PDE3B: variants seen among roughly 807,000 people sequenced by gnomAD.
PDE3B encodes the protein phosphodiesterase 3B, also known as cGMP-inhibited 3',5'-cyclic phosphodiesterase 3B.
Under a neutral mutation model 116.8 loss-of-function variants are expected in PDE3B, and 66 were observed. The ratio of observed to expected loss-of-function variants is 0.56; its 90% confidence interval spans 0.46 to 0.69. The LOEUF is 0.69. PDE3B is among the 30% of genes least tolerant of loss of function. PDE3B has a pLI of 0.00. For synonymous variants in PDE3B, 595 were observed against 533.6 expected (o/e 1.12, Z -1.59); for missense variants, 1,384 against 1,368.1 (o/e 1.01, Z -0.18).
At chr11:14,796,937 C>T (rs1409189950) in intron 4 of PDE3B, among the ~76,000 whole-genome samples, 1 of 152,122 alleles carries the variant, frequency 6.6e-6, no homozygotes, top group African/African-American at 2.4e-5. Flanking sequence ...AAGTCTTTGC[C>T]CATGCCTGTG....
At chr11:14,648,454 T>A (rs1470765926) in intron 1 of PDE3B, among the ~76,000 whole-genome samples, 1 of 152,170 alleles carries the variant, frequency 6.6e-6, no homozygotes, top group East Asian at 1.9e-4. Context: ...TAATTCCCTG[T>A]TAATTTCTTT....
intron 14 of PDE3B, among the ~76,000 whole-genome samples, chr11:14,863,042 T>C (rs782308434): frequency 1.1e-4 from 16 of 151,850 alleles, no homozygotes; most frequent in Non-Finnish European, 4.4e-5. Flanking sequence ...TCTAGCCCCC[T>C]ACCCCCTAAC....
chr11:14,843,683 C>G lies in PDE3B; in HGVS notation c.2321-144C>G, dbSNP rs1565160914. ...CATGTTAAATTGGGAATAATATACT[C>G]TTTTAAGTTCATAGATTTTAGTTCT... On this transcript the variant is annotated intron_variant, in intron 11 of 15. Coordinates refer to ENST00000282096, the MANE Select transcript of PDE3B (RefSeq NM_000922.4). 3 of 652,384 alleles carry G rather than the reference C, an allele frequency of 4.6e-6. No homozygotes were observed. The African/African-American group carries it at 5.4e-5, about 12-fold the overall frequency. 40.4% of individuals were successfully genotyped at this position (652,384 alleles called of 1,614,324 possible). A position where few individuals can be genotyped will look rare whatever the true frequency, so the allele number is the denominator to read the frequency against.
At chr11:14,856,222 A>G (rs1555006165) in intron 12 of PDE3B, among the ~76,000 whole-genome samples, 1 of 152,122 alleles carries the variant, frequency 6.6e-6, no homozygotes. Context: ...CTGCCTCTCC[A>G]TTGCCTTCCA....
At chr11:14,657,869 A>T (rs1334382420) in intron 1 of PDE3B, among the ~76,000 whole-genome samples, 1 of 152,234 alleles carries the variant, frequency 6.6e-6, no homozygotes, top group East Asian at 1.9e-4. Flanking sequence ...TTGAGAAGAG[A>T]GTGACAGATG....
At chr11:14,879,736 T>A in the PDE3B span, among the ~76,000 whole-genome samples, 1 of 151,758 alleles carries the variant, frequency 6.6e-6, no homozygotes, top group South Asian at 2.1e-4. Flanking sequence ...TATATCTTGT[T>A]CTAACAGTAG....
At chr11:14,805,326 T>A (rs1175030547) in intron 5 of PDE3B, among the ~76,000 whole-genome samples, 1 of 152,154 alleles carries the variant, frequency 6.6e-6, no homozygotes, top group African/African-American at 2.4e-5. Flanking sequence ...CCAAAGACAA[T>A]GGCATATTTG....
At chr11:14,778,170 G>A (rs1313951034) in intron 2 of PDE3B, among the ~76,000 whole-genome samples, 2 of 152,172 alleles carry the variant, frequency 1.3e-5, no homozygotes, top group African/African-American at 2.4e-5. Flanking sequence ...CAGCCCTGAA[G>A]CTCAAAATGG....
At chr11:14,661,961 C>T (rs1303158779) in intron 1 of PDE3B, among the ~76,000 whole-genome samples, 1 of 152,150 alleles carries the variant, frequency 6.6e-6, no homozygotes, top group Non-Finnish European at 1.5e-5. Flanking sequence ...CAGTGGTTCT[C>T]CCAGCACGCA....
At chr11:14,722,622 C>G (rs1856153899) in intron 1 of PDE3B, among the ~76,000 whole-genome samples, 1 of 152,054 alleles carries the variant, frequency 6.6e-6, no homozygotes, top group South Asian at 2.1e-4. Context: ...TTTTGAAGAG[C>G]TAAAGCCTGC....
intron 1 of PDE3B, among the ~76,000 whole-genome samples, chr11:14,770,342 A>T (rs1857604524): frequency 2.0e-5 from 3 of 151,534 alleles, no homozygotes; most frequent in African/African-American, 7.2e-5. Context: ...TCTCCAAAGA[A>T]GCTGACAGGC....
At chr11:14,649,724 G>A (rs945218553) in intron 1 of PDE3B, among the ~76,000 whole-genome samples, 2 of 152,196 alleles carry the variant, frequency 1.3e-5, no homozygotes, top group Admixed American at 1.3e-4. Context: ...AATTTGTAAG[G>A]ATGCAGCTGG....
intron 11 of PDE3B, among the ~76,000 whole-genome samples, chr11:14,838,226 G>A (rs527980264): frequency 6.6e-5 from 10 of 152,028 alleles, no homozygotes; most frequent in Middle Eastern, 6.8e-3. Flanking sequence ...TGATTTGCCC[G>A]CCTCGGCCTC....
intron 1 of PDE3B, among the ~76,000 whole-genome samples, chr11:14,646,462 T>A (rs1388253252): frequency 6.6e-6 from 1 of 152,160 alleles, no homozygotes; most frequent in Non-Finnish European, 1.5e-5. Flanking sequence ...TGATAATAGA[T>A]AGTACTTTAG....
At chr11:14,779,688 C>A (rs2133907222) in intron 2 of PDE3B, among the ~76,000 whole-genome samples, 1 of 152,300 alleles carries the variant, frequency 6.6e-6, no homozygotes, top group Non-Finnish European at 1.5e-5. Context: ...TGGAAAGGAA[C>A]AACTGCTACC....
intron 1 of PDE3B, among the ~76,000 whole-genome samples, chr11:14,737,433 C>T (rs1856633547): frequency 6.6e-6 from 1 of 151,854 alleles, no homozygotes; most frequent in South Asian, 2.1e-4. Context: ...CTTCTGACCT[C>T]GTGATCCGCC....
chr11:14,798,414 A>C (rs1424751232), intron 4 of PDE3B, among the ~76,000 whole-genome samples: 10 of 152,102 alleles, frequency 6.6e-5, no homozygotes, highest in African/African-American at 2.4e-4. Context: ...TGTCTCTTCC[A>C]GGTTTTGGTA....
Position 14,758,906 on chromosome 11 carries a change from C to G in PDE3B, c.979-13031C>G, listed in dbSNP as rs867347688. Among the ~76,000 whole-genome samples the G allele has an allele frequency of 4.3e-3, 654 of 151,766 alleles. 3 individuals carry two copies. The highest frequency in any genetic ancestry group is 0.013 in the African/African-American group (525 of 41,196). ...TCAGTATGATATTGGCTGTGGGTTT[C>G]TCATAGATAGCTCTTATTATTTTGA... On this transcript the variant is annotated intron_variant, in intron 1 of 15. Transcript: ENST00000282096.
chr11:14,714,627 A>T (rs1049411731), intron 1 of PDE3B, among the ~76,000 whole-genome samples: 3 of 151,514 alleles, frequency 2.0e-5, no homozygotes, highest in Non-Finnish European at 4.4e-5. Context: ...ATTTCCTGGG[A>T]TGACTGATGC....
Sources: gnomAD v4.1 joint callset for allele counts (sites outside exome capture counted in the v4.1 genomes callset) on GRCh38, gnomAD v4.1.1 for gene constraint, MANE v1.5 for transcripts, NCBI Gene and HGNC (gene_info 2026-07-23, HGNC 2026-07-21) for gene names.